The following PDXDC1 variants were observed in gnomAD, a reference collection of about 807,000 sequenced individuals.
The protein encoded by PDXDC1 is pyridoxal dependent decarboxylase domain containing 1.
A neutral mutation model predicts 100.1 loss-of-function variants in PDXDC1; 42 were observed. That is an observed-to-expected ratio of 0.42 (90% CI 0.33 to 0.54). The LOEUF (loss-of-function observed/expected upper bound fraction) is 0.54. Ranked by LOEUF, PDXDC1 falls within the 20% of genes least tolerant of loss-of-function variation. The probability of loss-of-function intolerance (pLI) is 0.10; values close to 1 mark genes in which losing one functional copy is unlikely to be tolerated. For missense variants in PDXDC1, 636 were observed against 979.2 expected, an observed-to-expected ratio of 0.65 and a Z score of 4.68; for synonymous variants, 260 against 371.7, an observed-to-expected ratio of 0.70 and a Z score of 3.46.
At chr16:15,137,241 G>C in intron 16 of PDXDC1, 1 of 822,236 alleles carries the variant, frequency 1.2e-6, no homozygotes, top group Non-Finnish European at 2.0e-6. Flanking sequence ...GGCCCCACCA[G>C]GGGGGCCCCT....
At chr16:15,069,055 C>T (rs1321670028) in intron 16 of PDXDC1, among the ~76,000 whole-genome samples, 2 of 152,166 alleles carry the variant, frequency 1.3e-5, no homozygotes, top group Non-Finnish European at 2.9e-5. Flanking sequence ...AAACCTCATC[C>T]TACTAGTTCA....
rs1457161858 is a variant in PDXDC1, at chr16:15,133,983, C to T, written c.1400-4896C>T. 3.2e-5 allele frequency: 43 copies of T among 1,344,368 alleles called. 1 individual carries two copies. The highest frequency in any genetic ancestry group is 3.7e-5 in the Non-Finnish European group (36 of 967,798). 83.3% of individuals were successfully genotyped at this position (1,344,368 alleles called of 1,614,324 possible). A position where few individuals can be genotyped will look rare whatever the true frequency, so the allele number is the denominator to read the frequency against. ...CTCGCCGTCCCGCAGCACGCCCCGC[C>T]GCAGCACCAGTCACATGCCTGCGCT... On this transcript the variant is annotated intron_variant, in intron 16 of 16. Transcript: ENST00000535621.
the PDXDC1 span, among the ~76,000 whole-genome samples, chr16:15,144,488 G>A: frequency 6.6e-6 from 1 of 152,118 alleles, no homozygotes; most frequent in Non-Finnish European, 1.5e-5. Flanking sequence ...CTGGCCCCAC[G>A]AGGGGTGGGG....
chr16:15,103,049 C>A lies in PDXDC1; in HGVS notation c.1400-35830C>A, dbSNP rs375604252. 1,613 of 366,158 alleles carry A rather than the reference C, an allele frequency of 4.4e-3. 8 individuals are homozygous for A. Among genetic ancestry groups the A allele is most frequent in the Middle Eastern group, 4.8e-3 (5 of 1,044 alleles). 22.7% of individuals were successfully genotyped at this position (366,158 alleles called of 1,614,324 possible). On this transcript the variant is annotated intron_variant, in intron 16 of 16. Coordinates refer to the PDXDC1 transcript ENST00000535621. ...CTTGAGCCCAGGAGTTCAAGGCTGC[C>A]GTGAGCTATGATTGTGCCTCTGCAG...
intron 3 of PDXDC1, 41 bp from the exon 4 acceptor site, chr16:15,001,735 G>A: frequency 6.6e-7 from 1 of 1,511,684 alleles, no homozygotes; most frequent in Non-Finnish European, 8.9e-7. Context: ...CGGGGGATGT[G>A]TGCTGTTCCC....
At chr16:15,067,675 T>G (rs1298384697) in intron 16 of PDXDC1, among the ~76,000 whole-genome samples, 1 of 151,754 alleles carries the variant, frequency 6.6e-6, no homozygotes, top group Non-Finnish European at 1.5e-5. Context: ...TGCTGCCCTT[T>G]GGATAAGAAG....
At position 15,079,090 on chromosome 16, in the gene PDXDC1, G is replaced by A. The variant is rs954731470; in HGVS notation, c.1399+49034G>A. Among the ~76,000 whole-genome samples the A allele has an allele frequency of 3.0e-4, 46 of 152,054 alleles. 1 individual carries two copies. Among genetic ancestry groups the A allele is most frequent in the Non-Finnish European group, 2.6e-4 (18 of 68,012 alleles). ...CTCCCAAAGTGCTGGGATTACATGCGTGAGCCACCACGCCCGGCCTCCTCT... is the reference window on the plus strand; with the variant it reads ...CTCCCAAAGTGCTGGGATTACATGCATGAGCCACCACGCCCGGCCTCCTCT... On this transcript the variant is annotated intron_variant, in intron 16 of 16. Transcript: ENST00000535621.
chr16:14,992,453 A>G (rs1255011176), intron 1 of PDXDC1, among the ~76,000 whole-genome samples: 6 of 152,282 alleles, frequency 3.9e-5, no homozygotes, highest in African/African-American at 1.4e-4. Flanking sequence ...CACAGCAGTG[A>G]GGATCGTCAG....
chr16:15,085,262 C>T (rs2045872016), intron 16 of PDXDC1, among the ~76,000 whole-genome samples: 1 of 152,010 alleles, frequency 6.6e-6, no homozygotes, highest in Non-Finnish European at 1.5e-5. Flanking sequence ...AAAAAGATTA[C>T]ATCAAAGGTT....
At chr16:15,065,412 G>A (rs1416792941) in intron 16 of PDXDC1, 2 of 1,587,326 alleles carry the variant, frequency 1.3e-6, no homozygotes, top group Non-Finnish European at 8.6e-7. Flanking sequence ...GCATTAACAT[G>A]CTGGAGTGAC....
intron 16 of PDXDC1, among the ~76,000 whole-genome samples, chr16:15,122,906 G>A (rs887658792): frequency 1.5e-4 from 22 of 148,712 alleles, no homozygotes; most frequent in Admixed American, 7.4e-4. Context: ...GGTACCTGGA[G>A]GAGGTGGAGG....
intron 16 of PDXDC1, among the ~76,000 whole-genome samples, chr16:15,117,784 T>C (rs954061970): frequency 8.2e-5 from 7 of 85,498 alleles, no homozygotes; most frequent in Non-Finnish European, 1.6e-4. Context: ...GAATGTTAAA[T>C]GTGCCTAGAT....
chr16:14,979,442 AC>A (rs1248946767), intron 1 of PDXDC1, among the ~76,000 whole-genome samples: 8 of 152,230 alleles, frequency 5.3e-5, no homozygotes, highest in African/African-American at 1.9e-4. Context: ...GGCACCCACC[AC>A]CACACCTGGC....
At chr16:15,129,134 A>G (rs1399264728) in intron 16 of PDXDC1, among the ~76,000 whole-genome samples, 2 of 151,916 alleles carry the variant, frequency 1.3e-5, no homozygotes, top group Non-Finnish European at 2.9e-5. Context: ...TAATCAAAAG[A>G]AAGAACTGGG....
chr16:15,051,426 C>T (rs1281050940), intron 16 of PDXDC1, among the ~76,000 whole-genome samples: 1 of 152,214 alleles, frequency 6.6e-6, no homozygotes, highest in African/African-American at 2.4e-5. Flanking sequence ...GATCGTGGCT[C>T]ACTGCAGCCT....
intron 16 of PDXDC1, among the ~76,000 whole-genome samples, chr16:15,059,493 TTTAA>T (rs2044637873): frequency 6.6e-6 from 1 of 152,248 alleles, no homozygotes; most frequent in African/African-American, 2.4e-5. Flanking sequence ...CATTTTACAG[TTTAA>T]TTAGCGCTCA....
At chr16:15,082,646 C>T (rs1325318728) in intron 16 of PDXDC1, among the ~76,000 whole-genome samples, 1 of 151,676 alleles carries the variant, frequency 6.6e-6, no homozygotes, top group Non-Finnish European at 1.5e-5. Flanking sequence ...GCACTCCAGC[C>T]TGGGTGACAG....
At chr16:15,104,908 A>G (rs2151857261) in intron 16 of PDXDC1, 5 of 1,534,458 alleles carry the variant, frequency 3.3e-6, no homozygotes, top group Non-Finnish European at 4.4e-6. Flanking sequence ...TCAGTGTCAT[A>G]TCACCCTTCC....
chr16:15,041,787 G>A (rs1567757169), downstream of PDXDC1: 4 of 777,736 alleles, frequency 5.1e-6, no homozygotes, highest in Middle Eastern at 2.9e-4. Flanking sequence ...AGTGTGCTCC[G>A]CCCTACAGCC....
Sources: gnomAD v4.1 joint callset for allele counts (sites outside exome capture counted in the v4.1 genomes callset) on GRCh38, gnomAD v4.1.1 for gene constraint, MANE v1.5 for transcripts, NCBI Gene and HGNC (gene_info 2026-07-23, HGNC 2026-07-21) for gene names.